The following NIPSNAP2 variants were observed in gnomAD, a reference collection of about 807,000 sequenced individuals.
The protein encoded by NIPSNAP2 is protein NipSnap homolog 2.
Under a neutral mutation model 48.4 loss-of-function variants are expected in NIPSNAP2, and 42 were observed. That is an observed-to-expected ratio of 0.87 (90% CI 0.68 to 1.12). The LOEUF (loss-of-function observed/expected upper bound fraction) is 1.12. NIPSNAP2 is among the 50% of genes most tolerant of loss of function. NIPSNAP2 has a pLI of 0.00. For synonymous variants in NIPSNAP2, 158 were observed against 126.6 expected, an observed-to-expected ratio of 1.25 and a Z score of -1.67; for missense variants, 314 against 347.3, an observed-to-expected ratio of 0.90 and a Z score of 0.76.
At chr7:55,993,647 C>T (rs529752567) in intron 7 of NIPSNAP2, among the ~76,000 whole-genome samples, 3 of 150,218 alleles carry the variant, frequency 2.0e-5, no homozygotes, top group South Asian at 2.1e-4. Context: ...GGCTGAGACA[C>T]GAGAATAACT....
intron 7 of NIPSNAP2, among the ~76,000 whole-genome samples, chr7:55,991,080 C>T (rs180705757): frequency 7.2e-5 from 11 of 152,178 alleles, no homozygotes; most frequent in Admixed American, 2.6e-4. Flanking sequence ...TGTGAGCCAC[C>T]GCGCTCGGCC....
At chr7:55,996,479 C>T (rs189121291) in intron 8 of NIPSNAP2, among the ~76,000 whole-genome samples, 144 of 152,206 alleles carry the variant, frequency 9.5e-4, no homozygotes, top group Middle Eastern at 3.4e-3. Context: ...TTGCCCTGCT[C>T]CCCTATACAC....
chr7:55,968,552 A>T (rs1198158723), intron 1 of NIPSNAP2, among the ~76,000 whole-genome samples: 1 of 151,722 alleles, frequency 6.6e-6, no homozygotes, highest in Non-Finnish European at 1.5e-5. Context: ...CAACCAGCTA[A>T]TTTTTTTGTA....
intron 7 of NIPSNAP2, among the ~76,000 whole-genome samples, chr7:55,990,859 C>T (rs1424021607): frequency 6.6e-6 from 1 of 150,846 alleles, no homozygotes; most frequent in Admixed American, 6.6e-5. Flanking sequence ...GCAGTCTCGG[C>T]TCACTCCAAT....
chr7:55,978,428 A>G, intron 3 of NIPSNAP2, 33 bp downstream of exon 3: 1 of 1,561,056 alleles, frequency 6.4e-7, no homozygotes, highest in Non-Finnish European at 8.7e-7. Flanking sequence ...TACTTGGGGA[A>G]AAATAATGAC....
intron 1 of NIPSNAP2, among the ~76,000 whole-genome samples, chr7:55,973,030 C>A (rs1231413495): frequency 1.3e-5 from 2 of 151,864 alleles, no homozygotes; most frequent in Non-Finnish European, 2.9e-5. Context: ...AGCTTGAACC[C>A]GGGAGGTCGA....
intron 4 of NIPSNAP2, 62 bp downstream of exon 4, chr7:55,981,629 A>G (rs1787218589): frequency 1.4e-5 from 15 of 1,053,020 alleles, no homozygotes; most frequent in Middle Eastern, 4.2e-4. Context: ...CACTTAAGTA[A>G]TTTTCTAATT....
At chr7:55,964,740 G>T in intron 1 of NIPSNAP2, 39 bp downstream of exon 1, 2 of 1,039,202 alleles carry the variant, frequency 1.9e-6, no homozygotes, top group Non-Finnish European at 2.4e-6. Flanking sequence ...GCCGGGGAGG[G>T]GCCGCCGCGA....
chr7:55,978,078 A>G (rs754804686), intron 1 of NIPSNAP2, 48 bp from the exon 2 acceptor site: 2 of 1,598,942 alleles, frequency 1.3e-6, no homozygotes, highest in Non-Finnish European at 1.7e-6. Context: ...TAACTGATGG[A>G]TATATGAAAA....
At chr7:55,991,191 C>T (rs1787436756) in intron 7 of NIPSNAP2, among the ~76,000 whole-genome samples, 1 of 152,114 alleles carries the variant, frequency 6.6e-6, no homozygotes, top group South Asian at 2.1e-4. Flanking sequence ...ATCTTTATTT[C>T]TAATGAACCT....
chr7:55,976,165 C>T (rs762691582), intron 1 of NIPSNAP2, among the ~76,000 whole-genome samples: 1 of 149,522 alleles, frequency 6.7e-6, no homozygotes, highest in Non-Finnish European at 1.5e-5. Flanking sequence ...GATGTCATCA[C>T]CCTTTAACAG....
intron 7 of NIPSNAP2, among the ~76,000 whole-genome samples, chr7:55,985,449 G>C (rs914083246): frequency 6.6e-6 from 1 of 151,822 alleles, no homozygotes; most frequent in African/African-American, 2.4e-5. Context: ...AAGTGCAAAA[G>C]ACTAGCCAGG....
At position 55,995,365 on chromosome 7, in the gene NIPSNAP2, G is replaced by C. The variant is rs542667057; in HGVS notation, c.712+377G>C. ...ATTTTACCCAGAGCAGCAGCTTCCT[G>C]CACATACTCACTGCCTGCCTTTGTA... On this transcript the variant is annotated intron_variant, in intron 8 of 9. Coordinates refer to ENST00000322090, the MANE Select transcript of NIPSNAP2 (RefSeq NM_001483.3). 2.0e-5 allele frequency among the ~76,000 whole-genome samples: 3 copies of C among 152,272 alleles called. No individual in the cohort carries two copies. The South Asian group carries it at 6.2e-4, about 32-fold the overall frequency.
intron 7 of NIPSNAP2, among the ~76,000 whole-genome samples, chr7:55,990,421 C>T (rs776830103): frequency 2.6e-5 from 4 of 152,036 alleles, no homozygotes; most frequent in East Asian, 1.9e-4. Flanking sequence ...TTAGTAGAGA[C>T]GGGGTTTCAC....
At chr7:55,986,420 G>C (rs1584347312) in intron 7 of NIPSNAP2, among the ~76,000 whole-genome samples, 1 of 152,146 alleles carries the variant, frequency 6.6e-6, no homozygotes, top group African/African-American at 2.4e-5. Context: ...CCAGCACTTT[G>C]GGAGGCCAAG....
intron 8 of NIPSNAP2, among the ~76,000 whole-genome samples, chr7:55,995,379 C>G (rs535631170): frequency 6.6e-6 from 1 of 152,326 alleles, no homozygotes; most frequent in Admixed American, 6.5e-5. Flanking sequence ...ATACTCACTG[C>G]CTGCCTTTGT....
chr7:55,973,838 C>A (rs1261596600), intron 1 of NIPSNAP2, among the ~76,000 whole-genome samples: 1 of 152,060 alleles, frequency 6.6e-6, no homozygotes. Flanking sequence ...TATCTGGTTT[C>A]TACCTATTTG....
intron 1 of NIPSNAP2, among the ~76,000 whole-genome samples, chr7:55,971,874 C>G (rs546845401): frequency 4.6e-5 from 7 of 152,180 alleles, no homozygotes; most frequent in Non-Finnish European, 2.9e-5. Context: ...GTGAAACTCC[C>G]TAGTCAGTAT....
chr7:55,974,177 A>G (rs1335095718), intron 1 of NIPSNAP2, among the ~76,000 whole-genome samples: 1 of 151,962 alleles, frequency 6.6e-6, no homozygotes, highest in Non-Finnish European at 1.5e-5. Context: ...GTGAGCCGAG[A>G]TTGCACTACT....
Sources: allele counts gnomAD v4.1 joint callset (sites outside exome capture counted in the v4.1 genomes callset), GRCh38; gene constraint gnomAD v4.1.1; transcripts MANE v1.5; gene names NCBI Gene and HGNC (gene_info 2026-07-23, HGNC 2026-07-21).